FOXP1: variants seen among roughly 807,000 people sequenced by gnomAD.
FOXP1 encodes forkhead box P1.
FOXP1 carries 15 observed loss-of-function variants against 98.2 expected under a neutral mutation model. The observed-to-expected ratio is 0.15, with a 90% CI of 0.10 to 0.24. The LOEUF is 0.24. FOXP1 is among the 10% of genes least tolerant of loss of function. The pLI is 1.00. For missense variants in FOXP1, 633 were observed against 848.5 expected, an observed-to-expected ratio of 0.75 and a Z score of 3.15; for synonymous variants, 371 against 314.5, an observed-to-expected ratio of 1.18 and a Z score of -1.90.
At chr3:71,223,164 T>A (rs2065533449) in intron 5 of FOXP1, among the ~76,000 whole-genome samples, 1 of 151,978 alleles carries the variant, frequency 6.6e-6, no homozygotes, top group Admixed American at 6.6e-5. Flanking sequence ...CTAAAAAGAG[T>A]CTCAACTCCT....
chr3:71,356,992 G>C (rs893558009), intron 4 of FOXP1, among the ~76,000 whole-genome samples: 11 of 152,082 alleles, frequency 7.2e-5, no homozygotes, highest in Non-Finnish European at 1.3e-4. Flanking sequence ...TACTTGTCCC[G>C]TGCACCCCAC....
intron 5 of FOXP1, among the ~76,000 whole-genome samples, chr3:71,282,940 A>G (rs897488998): frequency 2.6e-5 from 4 of 152,156 alleles, no homozygotes; most frequent in African/African-American, 9.7e-5. Context: ...TGAGATAGTC[A>G]ATTTCCCATT....
chr3:70,959,420 G>A, intron 20 of FOXP1, 29 bp from the exon 21 acceptor site: 1 of 1,613,792 alleles, frequency 6.2e-7, no homozygotes, highest in South Asian at 1.1e-5. Flanking sequence ...GGTTCAGTGA[G>A]GGTACTTCCC....
chr3:71,067,296 A>G (rs985614870), intron 7 of FOXP1, among the ~76,000 whole-genome samples: 1 of 152,224 alleles, frequency 6.6e-6, no homozygotes, highest in African/African-American at 2.4e-5. Context: ...GGTTAATTCT[A>G]AACTCCTGTG....
chr3:71,297,555 G>T (rs1397049684), intron 5 of FOXP1, among the ~76,000 whole-genome samples: 1 of 148,712 alleles, frequency 6.7e-6, no homozygotes, highest in African/African-American at 2.5e-5. Flanking sequence ...GGAGCTGTAT[G>T]GATAAGGCAA....
At chr3:71,581,375 A>C in intron 2 of FOXP1, 174 bp downstream of exon 2, 1 of 985,404 alleles carries the variant, frequency 1.0e-6, no homozygotes, top group Non-Finnish European at 1.2e-6. Flanking sequence ...GAGGGGAGGA[A>C]GTCCAGTATT....
At chr3:71,109,527 A>T (rs891661453) in intron 7 of FOXP1, among the ~76,000 whole-genome samples, 4 of 151,816 alleles carry the variant, frequency 2.6e-5, no homozygotes, top group African/African-American at 9.7e-5. Flanking sequence ...TCGGTCTCTC[A>T]GTGTAGTTAT....
At chr3:71,160,960 C>T (rs766339127) in intron 6 of FOXP1, among the ~76,000 whole-genome samples, 1 of 152,166 alleles carries the variant, frequency 6.6e-6, no homozygotes, top group African/African-American at 2.4e-5. Flanking sequence ...AGACCAAAGA[C>T]GGGAGTGACT....
chr3:71,119,132 C>A lies in FOXP1; in HGVS notation c.181-6495G>T, dbSNP rs566318171. 1.8e-4 allele frequency among the ~76,000 whole-genome samples: 27 copies of A among 152,306 alleles called. No individual in the cohort carries two copies. In the East Asian group the frequency reaches 4.8e-3, roughly 27 times the overall value. The stretch of plus-strand genomic sequence containing the variant: ...ATTAGCTGTTCTTTAAGCTCAAATT[C>A]AATGTTGATGTTCTGAAAAGGAAAT... On this transcript the variant is annotated intron_variant, in intron 6 of 20. Coordinates refer to ENST00000649528, the MANE Select transcript of FOXP1 (RefSeq NM_001349338.3).
At position 71,436,338 on chromosome 3, in the gene FOXP1, T is replaced by G. The variant is rs530021253; in HGVS notation, c.-168+57088A>C. ...AGATGCAGCCTGGTATAAGCCAGTG[T>G]TTTCCAACTTATTTTCACCATAGCA... On this transcript the variant is annotated intron_variant, in intron 3 of 20. Coordinates refer to ENST00000649528, the MANE Select transcript of FOXP1 (RefSeq NM_001349338.3). Among the ~76,000 whole-genome samples, 6 of 152,160 alleles carry G rather than the reference T, an allele frequency of 3.9e-5. 1 individual carries two copies. In the South Asian group the frequency reaches 1.2e-3, roughly 32 times the overall value.
At chr3:71,356,339 C>G (rs886999714) in intron 4 of FOXP1, among the ~76,000 whole-genome samples, 1 of 152,004 alleles carries the variant, frequency 6.6e-6, no homozygotes, top group Non-Finnish European at 1.5e-5. Context: ...CATAGCTGCA[C>G]GTGTCCTTGC....
intron 6 of FOXP1, among the ~76,000 whole-genome samples, chr3:71,148,841 C>T (rs114388892): frequency 3.3e-5 from 5 of 152,278 alleles, no homozygotes; most frequent in Non-Finnish European, 7.3e-5. Flanking sequence ...GGAAGGCAGA[C>T]ATGGGTGAAG....
chr3:71,540,757 C>A (rs1439140330), intron 2 of FOXP1, among the ~76,000 whole-genome samples: 1 of 152,210 alleles, frequency 6.6e-6, no homozygotes, highest in South Asian at 2.1e-4. Context: ...AATGTGTGCA[C>A]TATGCTGAAT....
chr3:71,263,971 G>A (rs2069405930), intron 5 of FOXP1, among the ~76,000 whole-genome samples: 1 of 150,560 alleles, frequency 6.6e-6, no homozygotes, highest in Admixed American at 6.6e-5. Context: ...GGCTGGTCTC[G>A]AACTCTTGGC....
chr3:71,130,577 G>C (rs759113786), intron 6 of FOXP1: 1 of 1,598,394 alleles, frequency 6.3e-7, no homozygotes, highest in South Asian at 1.1e-5. Context: ...GATGGGTTCT[G>C]GCTGTTTCTG....
intron 5 of FOXP1, chr3:71,244,894 T>A (rs1487962851): frequency 6.7e-6 from 1 of 149,598 alleles, no homozygotes; most frequent in East Asian, 2.0e-4. Context: ...ACATAACTCA[T>A]GAGATATGTA....
intron 12 of FOXP1, among the ~76,000 whole-genome samples, chr3:71,010,334 C>T (rs1317830314): frequency 6.6e-6 from 1 of 152,124 alleles, no homozygotes; most frequent in African/African-American, 2.4e-5. Context: ...CTTGACTCCA[C>T]CTCTTATTAG....
At chr3:71,250,751 T>C (rs1178582275) in intron 5 of FOXP1, among the ~76,000 whole-genome samples, 2 of 152,088 alleles carry the variant, frequency 1.3e-5, no homozygotes, top group Admixed American at 6.6e-5. Context: ...GCCAGAATGA[T>C]GAAACCCCAT....
chr3:71,486,944 T>A (rs1451857231), intron 3 of FOXP1, among the ~76,000 whole-genome samples: 1 of 152,152 alleles, frequency 6.6e-6, no homozygotes, highest in African/African-American at 2.4e-5. Context: ...AAGATTAATA[T>A]GCAAAAGGAA....
Sources: gnomAD v4.1 joint callset for allele counts (sites outside exome capture counted in the v4.1 genomes callset) on GRCh38, gnomAD v4.1.1 for gene constraint, MANE v1.5 for transcripts, NCBI Gene and HGNC (gene_info 2026-07-23, HGNC 2026-07-21) for gene names.